The following P2RY8 variants were observed in gnomAD, a reference collection of about 807,000 sequenced individuals.
P2RY8 encodes the protein S-geranylgeranyl-glutathione receptor P2RY8.
P2RY8 carries 6 observed loss-of-function variants against 10.0 expected under a neutral mutation model. The ratio of observed to expected loss-of-function variants is 0.60; its 90% CI spans 0.33 to 1.19. The LOEUF is 1.19. Among genes scored for constraint, P2RY8 ranks in the 50% most tolerant of loss-of-function variants. The pLI is 0.04. For synonymous variants in P2RY8, 276 were observed against 252.5 expected (o/e 1.09, Z -0.88); for missense variants, 456 against 542.0 (o/e 0.84, Z 1.58).
At chrX:1,490,740 G>A (rs1473927075) in intron 1 of P2RY8, among the ~76,000 whole-genome samples, 18 of 128,936 alleles carry the variant, frequency 1.4e-4, no homozygotes, top group South Asian at 5.3e-4. Flanking sequence ...ACAAATGTGG[G>A]GGGAATGAAT....
intron 1 of P2RY8, among the ~76,000 whole-genome samples, chrX:1,478,799 A>T (rs1367205824): frequency 1.3e-5 from 2 of 152,090 alleles, no homozygotes; most frequent in Admixed American, 1.3e-4. Context: ...TTATGTGAAC[A>T]TAGATAGCAG....
intron 1 of P2RY8, 45 bp downstream of exon 1, chrX:1,536,876 C>T: frequency 4.7e-6 from 1 of 213,360 alleles, no homozygotes; most frequent in Non-Finnish European, 9.5e-6. Flanking sequence ...TGTCTTCTCC[C>T]TTGACAGTGC....
At chrX:1,516,422 C>T (rs1387606085) in intron 1 of P2RY8, among the ~76,000 whole-genome samples, 4 of 151,706 alleles carry the variant, frequency 2.6e-5, no homozygotes, top group Non-Finnish European at 1.5e-5. Flanking sequence ...CTCAGACTTC[C>T]AGCCTCCAGG....
At chrX:1,480,390 C>T (rs776707963) in intron 1 of P2RY8, among the ~76,000 whole-genome samples, 7 of 77,604 alleles carry the variant, frequency 9.0e-5, no homozygotes, top group East Asian at 4.7e-4. Context: ...TTGCGCTTCC[C>T]GGGTTTTTTT....
At chrX:1,504,725 G>T (rs867542165) in intron 1 of P2RY8, among the ~76,000 whole-genome samples, 1 of 152,140 alleles carries the variant, frequency 6.6e-6, no homozygotes, top group Non-Finnish European at 1.5e-5. Flanking sequence ...TGTGGCTCAC[G>T]CCTGTAATCC....
chrX:1,498,474 C>G (rs1251446952), intron 1 of P2RY8, among the ~76,000 whole-genome samples: 1 of 150,036 alleles, frequency 6.7e-6, no homozygotes, highest in African/African-American at 2.4e-5. Context: ...TTACAGCCCA[C>G]AAGAGGTGAC....
chrX:1,528,516 C>T lies in P2RY8; in HGVS notation c.-25+8405G>A, dbSNP rs758310526. Among the ~76,000 whole-genome samples, 9 of 152,362 alleles carry T rather than the reference C, an allele frequency of 5.9e-5. No individual in the cohort carries two copies. The South Asian group carries it at 1.7e-3, about 28-fold the overall frequency. ...ACGACATCTTCAAAACCACTTTAAA[C>T]GTCCCAGGGAAGCCCGGAGGAGCAA... On this transcript the variant is annotated intron_variant, in intron 1 of 1. Coordinates refer to ENST00000381297, the MANE Select transcript of P2RY8 (RefSeq NM_178129.5).
Position 1,466,018 on chromosome X carries a change from A to T in P2RY8, c.541T>A (p.Trp181Arg). ...ATGGCCACGCTGGGGAGCATCGTCC[A>T]CTTGAGGACGTCGAAGCAGGTGATG... ...GIITCFDVLK[W>R]TMLPSVAMWA... The change falls in exon 2 of 2, where the codon TGG becomes AGG. Residue 181 changes from tryptophan to arginine, a missense_variant. Physicochemically the swap from Trp to Arg is moderately radical, Grantham distance 101. Transcript: ENST00000381297. 1 of 1,612,044 alleles carries T rather than the reference A, an allele frequency of 6.2e-7. No individual in the cohort carries two copies. Among genetic ancestry groups the T allele is most frequent in the Non-Finnish European group, 8.5e-7 (1 of 1,179,764 alleles).
At chrX:1,515,236 A>T (rs767631126) in intron 1 of P2RY8, among the ~76,000 whole-genome samples, 1 of 150,562 alleles carries the variant, frequency 6.6e-6, no homozygotes, top group Admixed American at 6.6e-5. Context: ...TTTTATTATT[A>T]TTATTTTTTA....
Position 1,533,677 on chromosome X carries a change from A to T in P2RY8, c.-25+3244T>A, listed in dbSNP as rs867604652. 3.6e-3 allele frequency among the ~76,000 whole-genome samples: 449 copies of T among 125,950 alleles called. 1 individual carries two copies. Among genetic ancestry groups the T allele is most frequent in the African/African-American group, 0.014 (433 of 31,450 alleles). 82.6% of individuals were successfully genotyped at this position (125,950 alleles called of 152,430 possible). A position where few individuals can be genotyped will look rare whatever the true frequency, so the allele number is the denominator to read the frequency against. ...CATATTTATTATTTAAATATATTTT[A>T]TATTTATATATTATTTATATATTAT... On this transcript the variant is annotated intron_variant, in intron 1 of 1. Coordinates refer to ENST00000381297, the MANE Select transcript of P2RY8 (RefSeq NM_178129.5).
intron 1 of P2RY8, among the ~76,000 whole-genome samples, chrX:1,479,438 A>T (rs1247497306): frequency 6.6e-6 from 1 of 152,244 alleles, no homozygotes; most frequent in Non-Finnish European, 1.5e-5. Flanking sequence ...TTTCTAGGAG[A>T]AGATCTGCTG....
intron 1 of P2RY8, among the ~76,000 whole-genome samples, chrX:1,477,188 C>CA (rs753336144): frequency 0.029 from 4,271 of 145,080 alleles, 67 homozygotes; most frequent in Admixed American, 0.062. Flanking sequence ...GACTGCATCT[C>CA]AAAAAAAAAA....
chrX:1,482,927 A>G (rs2091951392), intron 1 of P2RY8, among the ~76,000 whole-genome samples: 1 of 148,028 alleles, frequency 6.8e-6, no homozygotes, highest in African/African-American at 2.5e-5. Flanking sequence ...AGAACATCAC[A>G]CACCGGGGAC....
At chrX:1,509,793 C>T (rs866555806) in intron 1 of P2RY8, among the ~76,000 whole-genome samples, 15,745 of 80,810 alleles carry the variant, frequency 0.19, 2,337 homozygotes, top group Non-Finnish European at 0.28. Flanking sequence ...TCTATGTATC[C>T]ATCCTATCTA....
rs1309171408 is a variant in P2RY8 at position 1,462,928 on chromosome X, G to T, written c.*2551C>A. 1.3e-5 allele frequency: 3 copies of T among 232,938 alleles called. No homozygotes were observed. In the Admixed American group the frequency reaches 1.7e-4, roughly 13 times the overall value. The allele number at this position is 232,938 out of a possible 1,614,324, so 14.4% of individuals were successfully genotyped here. ...GAAACATCCACGGCTGTAAGAGGGG[G>T]TGTCGGCTGCTCTCCATAGCCAAGT... is the stretch of plus-strand genomic sequence containing the variant. On this transcript the variant is annotated 3_prime_UTR_variant, in exon 2 of 2. Coordinates refer to ENST00000381297, the MANE Select transcript of P2RY8 (RefSeq NM_178129.5).
intron 1 of P2RY8, among the ~76,000 whole-genome samples, chrX:1,520,371 ATC>A (rs2092381989): frequency 6.7e-6 from 1 of 148,684 alleles, no homozygotes; most frequent in Non-Finnish European, 1.5e-5. Flanking sequence ...TTCCAACATT[ATC>A]TCTGGTCCCA....
chrX:1,498,600 A>G (rs1352032896), intron 1 of P2RY8, among the ~76,000 whole-genome samples: 7 of 140,238 alleles, frequency 5.0e-5, no homozygotes, highest in African/African-American at 1.9e-4. Flanking sequence ...TCACTGCAAC[A>G]TCTGCCTCCC....
At chrX:1,513,246 C>CTT (rs113633261) in intron 1 of P2RY8, among the ~76,000 whole-genome samples, 111 of 149,470 alleles carry the variant, frequency 7.4e-4, no homozygotes, top group African/African-American at 1.4e-3. Context: ...CTATGTGCCA[C>CTT]TTTTTTTTTT....
chrX:1,535,998 A>C (rs1463720682), intron 1 of P2RY8, among the ~76,000 whole-genome samples: 2 of 152,048 alleles, frequency 1.3e-5, no homozygotes, highest in African/African-American at 4.8e-5. Context: ...CCTGGCACCG[A>C]GGGGGTGACG....
Sources: gnomAD v4.1 joint callset for allele counts (sites outside exome capture counted in the v4.1 genomes callset) on GRCh38, gnomAD v4.1.1 for gene constraint, MANE v1.5 for transcripts, NCBI Gene and HGNC (gene_info 2026-07-23, HGNC 2026-07-21) for gene names.